The following FAAH2 variants were observed in gnomAD, a reference collection of about 807,000 sequenced individuals.
FAAH2 encodes the protein fatty acid amide hydrolase 2.
In FAAH2, 60 loss-of-function variants were observed where a neutral mutation model predicts 36.9. The ratio of observed to expected loss-of-function variants is 1.63; its 90% CI spans 1.32 to 2.02. FAAH2 has a LOEUF of 2.02. FAAH2 is among the 30% of genes most tolerant of loss of function. FAAH2 has a pLI of 0.00. For missense variants in FAAH2, 689 were observed against 397.5 expected (o/e 1.73, Z -6.23); for synonymous variants, 214 against 143.8 (o/e 1.49, Z -3.49).
At chrX:57,201,248 C>T in the FAAH2 span, among the ~76,000 whole-genome samples, 1 of 109,488 alleles carries the variant, frequency 9.1e-6, no homozygotes, top group Non-Finnish European at 1.9e-5. Flanking sequence ...TGGTGAAACC[C>T]CGTCTACTAA....
intron 7 of FAAH2, among the ~76,000 whole-genome samples, chrX:57,430,076 C>T (rs977468023): frequency 2.7e-5 from 3 of 111,380 alleles, no homozygotes; most frequent in Middle Eastern, 4.7e-3. Flanking sequence ...AATTACTTAG[C>T]GGATACAATG....
chrX:57,166,256 C>A, the FAAH2 span, among the ~76,000 whole-genome samples: 1 of 111,300 alleles, frequency 9.0e-6, no homozygotes, highest in Non-Finnish European at 1.9e-5. Flanking sequence ...CACTCCTTCT[C>A]CAAGCCCATG....
chrX:57,439,216 C>T (rs1266835727), intron 8 of FAAH2, among the ~76,000 whole-genome samples: 2 of 109,343 alleles, frequency 1.8e-5, no homozygotes, highest in Non-Finnish European at 3.8e-5. Context: ...ACGGTCCCAC[C>T]AACAGTGTAA....
chrX:57,394,694 C>A, intron 7 of FAAH2: 1 of 902,366 alleles, frequency 1.1e-6, no homozygotes, highest in Non-Finnish European at 1.6e-6. Flanking sequence ...TTTTTATCAT[C>A]TGGGACATAA....
At chrX:57,251,903 C>T in the FAAH2 span, among the ~76,000 whole-genome samples, 1 of 111,615 alleles carries the variant, frequency 9.0e-6, no homozygotes, top group Non-Finnish European at 1.9e-5. Context: ...GGAGTGTTGC[C>T]TCACCCAGGA....
intron 7 of FAAH2, among the ~76,000 whole-genome samples, chrX:57,423,157 AC>A (rs2056077850): frequency 8.9e-6 from 1 of 111,992 alleles, no homozygotes; most frequent in Admixed American, 9.5e-5. Flanking sequence ...TCTATACTCT[AC>A]CACTAATAGA....
chrX:57,163,758 G>A, the FAAH2 span, among the ~76,000 whole-genome samples: 5 of 112,245 alleles, frequency 4.5e-5, no homozygotes, highest in East Asian at 1.4e-3. Context: ...TGCGCCCACT[G>A]TCTGGCACTA....
intron 3 of FAAH2, among the ~76,000 whole-genome samples, chrX:57,318,845 G>C (rs2052926019): frequency 9.0e-6 from 1 of 111,684 alleles, no homozygotes; most frequent in Admixed American, 9.5e-5. Flanking sequence ...CTTCATCCTT[G>C]GGATACAAGG....
chrX:57,482,865 G>A (rs766052337), intron 10 of FAAH2, among the ~76,000 whole-genome samples: 14 of 109,643 alleles, frequency 1.3e-4, no homozygotes, highest in Non-Finnish European at 2.3e-4. Context: ...TGGGATTTTT[G>A]CAGAGAAGTC....
the FAAH2 span, among the ~76,000 whole-genome samples, chrX:57,198,108 A>G: frequency 1.8e-5 from 2 of 111,037 alleles, no homozygotes; most frequent in African/African-American, 6.6e-5. Flanking sequence ...GGGTTTCTGC[A>G]GTTAGGGGTG....
At chrX:57,231,064 T>TGTGTGA in the FAAH2 span, among the ~76,000 whole-genome samples, 23 of 109,133 alleles carry the variant, frequency 2.1e-4, no homozygotes, top group Non-Finnish European at 4.0e-4. Flanking sequence ...TGTGTGTGTG[T>TGTGTGA]GTGAGTGTGT....
chrX:57,342,191 A>C (rs746978347), intron 5 of FAAH2, among the ~76,000 whole-genome samples: 8 of 111,970 alleles, frequency 7.1e-5, no homozygotes, highest in Non-Finnish European at 1.5e-4. Flanking sequence ...TGTAGCCATG[A>C]AAAAGAACAA....
At chrX:57,482,434 A>G (rs1003880590) in intron 10 of FAAH2, among the ~76,000 whole-genome samples, 7 of 111,707 alleles carry the variant, frequency 6.3e-5, no homozygotes, top group African/African-American at 2.0e-4. Flanking sequence ...CCATGGGAAA[A>G]GCATAGTAAC....
chrX:57,374,559 G>T (rs896597154), intron 5 of FAAH2, among the ~76,000 whole-genome samples: 1 of 111,853 alleles, frequency 8.9e-6, no homozygotes, highest in Non-Finnish European at 1.9e-5. Context: ...CATTAATTTC[G>T]TATCCTGAAA....
At chrX:57,185,914 G>C in the FAAH2 span, among the ~76,000 whole-genome samples, 1 of 111,614 alleles carries the variant, frequency 9.0e-6, no homozygotes, top group Non-Finnish European at 1.9e-5. Context: ...TTTTATGGCT[G>C]TGTAGTATTC....
intron 7 of FAAH2, among the ~76,000 whole-genome samples, chrX:57,384,561 G>A (rs1239682177): frequency 6.3e-5 from 7 of 110,788 alleles, no homozygotes; most frequent in Non-Finnish European, 1.1e-4. Context: ...GCAGCCAAAA[G>A]ACACATGAAA....
chrX:57,427,619 G>C (rs2056194110), intron 7 of FAAH2, among the ~76,000 whole-genome samples: 1 of 111,577 alleles, frequency 9.0e-6, no homozygotes, highest in Non-Finnish European at 1.9e-5. Context: ...ATCAATAAAA[G>C]TAATTCACCA....
At chrX:57,355,539 C>T (rs2054137541) in intron 5 of FAAH2, among the ~76,000 whole-genome samples, 1 of 110,730 alleles carries the variant, frequency 9.0e-6, no homozygotes, top group Non-Finnish European at 1.9e-5. Context: ...TTCTATTTTA[C>T]TCCTTTTCAT....
intron 5 of FAAH2, among the ~76,000 whole-genome samples, chrX:57,368,147 C>T (rs752819187): frequency 4.5e-5 from 5 of 110,732 alleles, no homozygotes; most frequent in African/African-American, 6.6e-5. Context: ...TCTACCATAC[C>T]CCAACCCTGG....
Sources: allele counts gnomAD v4.1 joint callset (sites outside exome capture counted in the v4.1 genomes callset), GRCh38; gene constraint gnomAD v4.1.1; transcripts MANE v1.5; gene names NCBI Gene and HGNC (gene_info 2026-07-23, HGNC 2026-07-21).